The following LAMB3 variants were observed in gnomAD, a reference collection of about 807,000 sequenced individuals.
The protein encoded by LAMB3 is laminin subunit beta-3.
Under a neutral mutation model 140.3 loss-of-function variants are expected in LAMB3, and 104 were observed. The ratio of observed to expected loss-of-function variants is 0.74; its 90% CI spans 0.63 to 0.87. The LOEUF (loss-of-function observed/expected upper bound fraction) is 0.87, where lower values mean the gene tolerates loss of function less well. LAMB3 is among the 40% of genes least tolerant of loss of function. The pLI is 0.00. For missense variants in LAMB3, 1,531 were observed against 1,575.2 expected, an observed-to-expected ratio of 0.97 and a Z score of 0.47; for synonymous variants, 592 against 602.9, an observed-to-expected ratio of 0.98 and a Z score of 0.26.
intron 9 of LAMB3, among the ~76,000 whole-genome samples, chr1:209,630,219 C>T (rs1322145965): frequency 6.6e-6 from 1 of 152,190 alleles, no homozygotes; most frequent in East Asian, 1.9e-4. Context: ...ATCCCCAACC[C>T]TCCCACTGCC....
Position 209,625,688 on chromosome 1 carries a change from G to T in LAMB3, c.1936C>A (p.Gln646Lys). 3 of 1,614,174 alleles carry T rather than the reference G, an allele frequency of 1.9e-6. No individual in the cohort carries two copies. The highest frequency in any genetic ancestry group is 1.6e-4 in the Middle Eastern group (1 of 6,062). Residue 646 changes from glutamine to lysine, a missense_variant, in exon 14 of 23, where the codon CAG (glutamine) becomes AAG (lysine). Physicochemically the swap from Gln to Lys is moderately conservative, Grantham distance 53 (BLOSUM62 1). Coordinates refer to ENST00000356082, the MANE Select transcript of LAMB3 (RefSeq NM_000228.3). ...AVLSSPAVTEQEVAQVASAIL... is the reference protein window; with the variant it reads ...AVLSSPAVTEKEVAQVASAIL... ...GCACTGGCCACCTGAGCCACCTCCT[G>T]CTCTGTGACTGCGGGGCTGCTGAGA...
At chr1:209,651,785 C>T (rs1186974305) in intron 1 of LAMB3, among the ~76,000 whole-genome samples, 3 of 139,034 alleles carry the variant, frequency 2.2e-5, no homozygotes, top group Non-Finnish European at 4.5e-5. Flanking sequence ...TGCAGTGACC[C>T]TTCTGCCTTG....
In LAMB3 at chr1:209,625,962, G is replaced by T. The variant is rs1238321738; in HGVS notation, c.1662C>A (p.Leu554=). The change falls in exon 14 of 23, where the codon CTC becomes CTA. Residue 554 remains leucine (L), a synonymous_variant. Transcript: ENST00000356082. ...GGGGCCCGGTCAAGCCAGGGCGGCA[G>T]AGGCAGCGGCCTGATGCCTTGTCGC... ...PGCDKASGRC[L]CRPGLTGPRC... 2 of 1,613,842 alleles carry T rather than the reference G, an allele frequency of 1.2e-6. No homozygotes were observed. Among genetic ancestry groups the T allele is most frequent in the Admixed American group, 3.3e-5 (2 of 60,026 alleles).
chr1:209,616,442 T>C (rs1332057535), intron 22 of LAMB3, 29 bp downstream of exon 22: 1 of 1,613,586 alleles, frequency 6.2e-7, no homozygotes, highest in Non-Finnish European at 8.5e-7. Flanking sequence ...GAATGCCCAA[T>C]AGTCCATGCC....
chr1:209,620,074 A>C (rs1666132001), intron 18 of LAMB3, among the ~76,000 whole-genome samples: 1 of 152,186 alleles, frequency 6.6e-6, no homozygotes, highest in Admixed American at 6.5e-5. Flanking sequence ...ATCCCCACCT[A>C]GATCTTGCCC....
intron 12 of LAMB3, 48 bp from the exon 13 acceptor site, chr1:209,627,026 C>T (rs1189963422): frequency 5.2e-6 from 7 of 1,352,248 alleles, no homozygotes; most frequent in Non-Finnish European, 7.3e-6. Context: ...CAGCCTCTGC[C>T]TTACCCTGGT....
intron 21 of LAMB3, among the ~76,000 whole-genome samples, 189 bp downstream of exon 21, chr1:209,617,221 G>A (rs944214226): frequency 1.2e-4 from 18 of 152,236 alleles, no homozygotes; most frequent in Non-Finnish European, 2.1e-4. Flanking sequence ...CCCTGAGCCA[G>A]CTATACCAAA....
rs781182257 is a variant in LAMB3 at position 209,624,017 on chromosome 1, G to T, written c.1977-17C>A. 10 of 1,609,098 alleles carry T rather than the reference G, an allele frequency of 6.2e-6. No homozygotes were observed. The highest frequency in any genetic ancestry group is 6.8e-6 in the Non-Finnish European group (8 of 1,179,370). On this transcript the variant is annotated splice_polypyrimidine_tract_variant and intron_variant, in intron 14 of 22. Transcript: ENST00000356082. Reference sequence around the variant, plus strand: ...AGAGTTCGCCTGAGAAGGGAGAGGAGCTTACACTAAAATATAGGAGGGAGT... The same window carrying T: ...AGAGTTCGCCTGAGAAGGGAGAGGATCTTACACTAAAATATAGGAGGGAGT...
intron 8 of LAMB3, among the ~76,000 whole-genome samples, chr1:209,631,908 C>T (rs112478380): frequency 2.6e-4 from 40 of 152,340 alleles, no homozygotes; most frequent in African/African-American, 9.4e-4. Context: ...CTCCTGTCCC[C>T]CTGTCACTAG....
At chr1:209,636,903 T>C (rs17014958) in intron 5 of LAMB3, among the ~76,000 whole-genome samples, 2,870 of 152,306 alleles carry the variant, frequency 0.019, 84 homozygotes, top group African/African-American at 0.065. Flanking sequence ...CTTCCCCACG[T>C]ATGGTGAAAG....
Position 209,615,205 on chromosome 1 carries a change from C to T in LAMB3, c.*66G>A. ...TCCTGGAGATGGAAAGCATTCCAACCCAATCTGCCCCCAACCAAAAGCAAA... is the reference window on the plus strand; with the variant it reads ...TCCTGGAGATGGAAAGCATTCCAACTCAATCTGCCCCCAACCAAAAGCAAA... On this transcript the variant is annotated 3_prime_UTR_variant, in exon 23 of 23. Coordinates refer to ENST00000356082, the MANE Select transcript of LAMB3 (RefSeq NM_000228.3). 6.2e-7 allele frequency: 1 copy of T among 1,608,678 alleles called. No homozygotes were observed. Among genetic ancestry groups the T allele is most frequent in the African/African-American group, 1.3e-5 (1 of 74,974 alleles).
chr1:209,634,993 C>A (rs1666847941), intron 5 of LAMB3, among the ~76,000 whole-genome samples: 1 of 151,324 alleles, frequency 6.6e-6, no homozygotes, highest in African/African-American at 2.4e-5. Context: ...CATGTCCAGC[C>A]TCCTCTGTCA....
chr1:209,633,294 G>A (rs566750796), intron 6 of LAMB3, among the ~76,000 whole-genome samples, 161 bp from the exon 7 acceptor site: 1 of 152,174 alleles, frequency 6.6e-6, no homozygotes, highest in Admixed American at 6.5e-5. Context: ...TGCTGTGGGG[G>A]AGAAAGATGA....
chr1:209,648,866 T>A (rs960853457), intron 3 of LAMB3, among the ~76,000 whole-genome samples: 6 of 152,236 alleles, frequency 3.9e-5, no homozygotes, highest in African/African-American at 1.4e-4. Context: ...AAAATTTTTT[T>A]AATTTTTATT....
In LAMB3 at chr1:209,623,940, C is replaced by G. The variant is rs774502087; in HGVS notation, c.2037G>C (p.Pro679=). 1 of 1,614,080 alleles carries G rather than the reference C, an allele frequency of 6.2e-7. No homozygotes were observed. Among genetic ancestry groups the G allele is most frequent in the African/African-American group, 1.3e-5 (1 of 75,034 alleles). ...TTCTGTCAAGACTCTCCAGGTCTCTCGGAAGGGACAACGTCTCCTCCTCCA... is the reference window on the plus strand; with the variant it reads ...TTCTGTCAAGACTCTCCAGGTCTCTGGGAAGGGACAACGTCTCCTCCTCCA... ...LPLEEETLSL[P]RDLESLDRSF... is the part of the protein sequence containing the mutation. The change falls in exon 15 of 23, where the codon CCG becomes CCC. Residue 679 remains proline, a synonymous_variant. Coordinates refer to ENST00000356082, the MANE Select transcript of LAMB3 (RefSeq NM_000228.3). This position sits in a 1 kb window ranked among gnomAD's most constrained non-coding sequence, Gnocchi z 4.2.
At chr1:209,618,198 C>T (rs1160605286) in intron 19 of LAMB3, 150 bp from the exon 20 acceptor site, 1 of 1,051,164 alleles carries the variant, frequency 9.5e-7, no homozygotes, top group East Asian at 2.6e-5. Flanking sequence ...TTTGATGTCC[C>T]AGGACCCCAC....
chr1:209,624,140 G>A, intron 14 of LAMB3, 140 bp from the exon 15 acceptor site: 1 of 705,762 alleles, frequency 1.4e-6, no homozygotes, highest in Non-Finnish European at 2.3e-6. Flanking sequence ...GAATCCACAG[G>A]CTAAGGGGGT....
chr1:209,624,668 G>C (rs1666350303), intron 14 of LAMB3, among the ~76,000 whole-genome samples: 1 of 152,194 alleles, frequency 6.6e-6, no homozygotes, highest in Non-Finnish European at 1.5e-5. Context: ...GCCCGAATCT[G>C]AGACTTAGGT....
chr1:209,633,877 A>G (rs1180154949), intron 6 of LAMB3, among the ~76,000 whole-genome samples: 3 of 152,066 alleles, frequency 2.0e-5, no homozygotes, highest in Admixed American at 1.3e-4. Context: ...AAAGAATTTG[A>G]CCCACGTTGG....
Sources: gnomAD v4.1 joint callset for allele counts (sites outside exome capture counted in the v4.1 genomes callset) on GRCh38, gnomAD v4.1.1 for gene constraint, Gnocchi (gnomAD v3.1) non-coding constraint, MANE v1.5 for transcripts, NCBI Gene and HGNC (gene_info 2026-07-23, HGNC 2026-07-21) for gene names.